The following CCNY variants were observed in gnomAD, a reference collection of about 807,000 sequenced individuals.
The protein encoded by CCNY is cyclin Y, also known as cyclin-Y.
In CCNY, 19 loss-of-function variants were observed where a neutral mutation model predicts 42.8. The observed-to-expected ratio is 0.44, with a 90% CI of 0.31 to 0.65. The LOEUF is 0.65. CCNY is among the 30% of genes least tolerant of loss of function. CCNY has a pLI of 0.07. For synonymous variants in CCNY, 165 were observed against 162.7 expected (o/e 1.01, Z -0.11); for missense variants, 370 against 437.3 (o/e 0.85, Z 1.37).
rs1840272904 is a variant in CCNY at position 35,509,220 on chromosome 10, C to T, written c.265-7303C>T. Among the ~76,000 whole-genome samples the T allele has an allele frequency of 2.6e-5, 4 of 152,130 alleles. No homozygotes were observed. In the South Asian group the frequency reaches 8.3e-4, roughly 31 times the overall value. Reference sequence around the variant, plus strand: ...GGGTTCTTAACTCCATGGGTATTTGCCTTCTGCTTTAGTCTTGCTGTAAAT... The same window carrying T: ...GGGTTCTTAACTCCATGGGTATTTGTCTTCTGCTTTAGTCTTGCTGTAAAT... On this transcript the variant is annotated intron_variant, in intron 3 of 9. Coordinates refer to ENST00000374704, the MANE Select transcript of CCNY (RefSeq NM_145012.6).
upstream of CCNY, among the ~76,000 whole-genome samples, chr10:35,334,486 A>G (rs776051767): frequency 1.3e-5 from 2 of 152,180 alleles, no homozygotes; most frequent in Non-Finnish European, 2.9e-5. Context: ...ACACACATGC[A>G]AGTGTAAATA....
chr10:35,362,305 G>T (rs549414119), intron 1 of CCNY, among the ~76,000 whole-genome samples: 2 of 152,340 alleles, frequency 1.3e-5, no homozygotes, highest in South Asian at 2.1e-4. Flanking sequence ...GGTGGAACAG[G>T]TGACTTTTGG....
intron 1 of CCNY, among the ~76,000 whole-genome samples, chr10:35,363,927 T>C (rs1156821270): frequency 2.6e-5 from 4 of 152,188 alleles, no homozygotes; most frequent in Non-Finnish European, 4.4e-5. Context: ...GGAGAAAGAT[T>C]GGCTCTGAGG....
chr10:35,432,938 C>G (rs879475005), intron 1 of CCNY, among the ~76,000 whole-genome samples: 1 of 152,188 alleles, frequency 6.6e-6, no homozygotes, highest in Admixed American at 6.5e-5. Flanking sequence ...GTTAAGAATA[C>G]TAAAAAATAT....
chr10:35,367,739 C>T (rs994038339), intron 1 of CCNY, among the ~76,000 whole-genome samples: 2 of 152,154 alleles, frequency 1.3e-5, no homozygotes. Context: ...TGCCTCTTCC[C>T]CTTAGAGACT....
intron 7 of CCNY, among the ~76,000 whole-genome samples, chr10:35,549,503 A>G (rs1428293862): frequency 6.7e-6 from 1 of 149,104 alleles, no homozygotes. Flanking sequence ...CCATGACCCT[A>G]CAGTGCTCGT....
chr10:35,304,740 C>T (rs1209033873), intron 3 of CCNY, among the ~76,000 whole-genome samples: 1 of 152,154 alleles, frequency 6.6e-6, no homozygotes, highest in East Asian at 1.9e-4. Flanking sequence ...GGATGTTTAG[C>T]AGAATCCCTA....
At chr10:35,372,367 A>G (rs2135176694) in intron 1 of CCNY, among the ~76,000 whole-genome samples, 1 of 152,310 alleles carries the variant, frequency 6.6e-6, no homozygotes, top group Middle Eastern at 3.4e-3. Context: ...ACTCTTCCAA[A>G]AGTCAGTCTT....
chr10:35,370,892 T>A (rs933108790), intron 1 of CCNY, among the ~76,000 whole-genome samples: 6 of 151,840 alleles, frequency 4.0e-5, no homozygotes, highest in Non-Finnish European at 8.8e-5. Flanking sequence ...ATTTTGTGTA[T>A]TTTTAGTAGA....
chr10:35,555,080 C>CAT (rs1299377472), intron 8 of CCNY, among the ~76,000 whole-genome samples: 2 of 152,130 alleles, frequency 1.3e-5, no homozygotes, highest in African/African-American at 4.8e-5. Flanking sequence ...CCAGTTCATG[C>CAT]ATATGTCAGT....
At chr10:35,339,989 T>TA (rs1255768235) in intron 1 of CCNY, among the ~76,000 whole-genome samples, 3 of 151,942 alleles carry the variant, frequency 2.0e-5, no homozygotes, top group African/African-American at 7.3e-5. Context: ...TTTAGGAAAA[T>TA]AAAAAAATGA....
intron 3 of CCNY, among the ~76,000 whole-genome samples, chr10:35,312,999 C>T (rs1283263239): frequency 6.6e-6 from 1 of 152,038 alleles, no homozygotes; most frequent in Non-Finnish European, 1.5e-5. Flanking sequence ...ATTAAAAGTG[C>T]CTTGGACTGG....
At chr10:35,557,522 C>T (rs1281520133) in intron 8 of CCNY, among the ~76,000 whole-genome samples, 6 of 152,058 alleles carry the variant, frequency 3.9e-5, no homozygotes, top group African/African-American at 7.2e-5. Flanking sequence ...TTTGGGAGGC[C>T]GAGGTGGGTG....
At chr10:35,362,887 C>G (rs1836719025) in intron 1 of CCNY, among the ~76,000 whole-genome samples, 1 of 151,478 alleles carries the variant, frequency 6.6e-6, no homozygotes, top group African/African-American at 2.4e-5. Context: ...CAGAGGTACT[C>G]CTTGCTTCCC....
intron 1 of CCNY, among the ~76,000 whole-genome samples, chr10:35,448,074 C>T (rs1399557784): frequency 2.0e-5 from 3 of 152,246 alleles, no homozygotes; most frequent in East Asian, 3.9e-4. Flanking sequence ...TGAAGGAGAC[C>T]GCCTTCACTG....
chr10:35,514,791 TTTA>T (rs1212794027), intron 3 of CCNY, among the ~76,000 whole-genome samples: 1 of 152,228 alleles, frequency 6.6e-6, no homozygotes, highest in Non-Finnish European at 1.5e-5. Flanking sequence ...TCTCTAAAAG[TTTA>T]TTAACACCAG....
intron 1 of CCNY, among the ~76,000 whole-genome samples, chr10:35,379,893 C>T (rs1395294422): frequency 6.6e-6 from 1 of 152,164 alleles, no homozygotes; most frequent in African/African-American, 2.4e-5. Flanking sequence ...TCCCACTTTA[C>T]CACACAAGGA....
rs147545415 is a variant in CCNY, at chr10:35,272,408, G to A, written c.-9+21782G>A. ...TCATCACCCAGATATTAGGCCTAGC[G>A]GCCATTAGTTATTTTTCCTGATCCT... On this transcript the variant is annotated intron_variant, in intron 3 of 11. Coordinates refer to the CCNY transcript ENST00000374706. 2.5e-3 allele frequency among the ~76,000 whole-genome samples: 387 copies of A among 152,080 alleles called. 2 individuals carry two copies. Among genetic ancestry groups the A allele is most frequent in the African/African-American group, 8.7e-3 (359 of 41,472 alleles).
intron 1 of CCNY, among the ~76,000 whole-genome samples, chr10:35,451,954 T>G (rs1838928178): frequency 6.6e-6 from 1 of 152,236 alleles, no homozygotes; most frequent in Non-Finnish European, 1.5e-5. Flanking sequence ...ACTCACAATT[T>G]CATTTCAACT....
Sources: gnomAD v4.1 joint callset for allele counts (sites outside exome capture counted in the v4.1 genomes callset) on GRCh38, gnomAD v4.1.1 for gene constraint, MANE v1.5 for transcripts, NCBI Gene and HGNC (gene_info 2026-07-23, HGNC 2026-07-21) for gene names.